The following EYA1 variants were observed in gnomAD, a reference collection of about 807,000 sequenced individuals.
EYA1 encodes EYA transcriptional coactivator and phosphatase 1, also known as protein phosphatase EYA1.
A neutral mutation model predicts 82.0 loss-of-function variants in EYA1; 16 were observed. The ratio of observed to expected loss-of-function variants is 0.20; its 90% CI spans 0.13 to 0.30. The LOEUF (loss-of-function observed/expected upper bound fraction) is 0.30, where lower values mean the gene tolerates loss of function less well. Among genes scored for constraint, EYA1 ranks in the 10% least tolerant of loss-of-function variants. The probability of loss-of-function intolerance (pLI) is 1.00; values close to 1 mark genes in which losing one functional copy is unlikely to be tolerated. For missense variants in EYA1, 633 were observed against 730.7 expected (o/e 0.87, Z 1.54); for synonymous variants, 261 against 264.4 (o/e 0.99, Z 0.12).
chr8:71,368,868 G>A (rs1365579540), intron 2 of EYA1, among the ~76,000 whole-genome samples: 1 of 151,508 alleles, frequency 6.6e-6, no homozygotes, highest in African/African-American at 2.4e-5. Context: ...TACGTGAAAA[G>A]GAAAAAAAAT....
At chr8:71,403,528 T>C (rs1411986076) in intron 2 of EYA1, 1 of 152,152 alleles carries the variant, frequency 6.6e-6, no homozygotes, top group Non-Finnish European at 1.5e-5. Context: ...TGAGATTATA[T>C]CCTATTGACA....
At position 71,362,046 on chromosome 8, in the gene EYA1, CA is replaced by C. The variant is rs1827439549; in HGVS notation, c.-455del. ...CGCCCAGCGCTCCTTCCCCACCAAA[CA>C]GCAGCGGCAGATAGCATCTGAGAAC... On this transcript the variant is annotated 5_prime_UTR_variant, in exon 1 of 18. The change abolishes the stop of an existing upstream ORF in the 5' untranslated region. Transcript: ENST00000340726. The C allele has an allele frequency of 1.0e-6, 1 of 985,360 alleles. No homozygotes were observed. Among genetic ancestry groups the C allele is most frequent in the Admixed American group, 6.2e-5 (1 of 16,256 alleles). The allele number at this position is 985,360 out of a possible 1,614,324, so 61.0% of individuals were successfully genotyped here.
intron 2 of EYA1, among the ~76,000 whole-genome samples, chr8:71,410,677 G>A (rs1226825462): frequency 7.1e-6 from 1 of 140,194 alleles, no homozygotes; most frequent in Non-Finnish European, 1.6e-5. Context: ...TACAAGGGAT[G>A]TGAAGGACCT....
At chr8:71,267,831 A>G (rs1233369700) in intron 11 of EYA1, among the ~76,000 whole-genome samples, 3 of 152,212 alleles carry the variant, frequency 2.0e-5, no homozygotes, top group Non-Finnish European at 4.4e-5. Context: ...TACAGGCATG[A>G]GCCACCGCGC....
chr8:71,528,884 C>T (rs1031714649), intron 2 of EYA1, among the ~76,000 whole-genome samples: 1 of 152,198 alleles, frequency 6.6e-6, no homozygotes, highest in Admixed American at 6.5e-5. Context: ...TGCCCAAGTA[C>T]AGAGCTAAGG....
intron 2 of EYA1, among the ~76,000 whole-genome samples, chr8:71,491,959 T>C (rs1360563447): frequency 1.3e-5 from 2 of 152,152 alleles, no homozygotes; most frequent in African/African-American, 4.8e-5. Flanking sequence ...CCAAGCATAA[T>C]GTTAATGCCA....
At chr8:71,434,160 T>C (rs1805836144) in intron 2 of EYA1, among the ~76,000 whole-genome samples, 1 of 152,230 alleles carries the variant, frequency 6.6e-6, no homozygotes, top group Non-Finnish European at 1.5e-5. Context: ...TAAAGGTATA[T>C]TTAAATATTT....
intron 11 of EYA1, among the ~76,000 whole-genome samples, chr8:71,261,725 A>C (rs1250000500): frequency 6.6e-6 from 1 of 152,218 alleles, no homozygotes; most frequent in African/African-American, 2.4e-5. Flanking sequence ...GGGAGGAAGA[A>C]GAATAAAGCC....
intron 3 of EYA1, among the ~76,000 whole-genome samples, chr8:71,338,372 T>C (rs547211920): frequency 4.6e-5 from 7 of 152,376 alleles, no homozygotes; most frequent in East Asian, 3.9e-4. Context: ...ATGGCAATTG[T>C]GATCAATAAT....
In EYA1 at chr8:71,301,447, AT is replaced by A. The variant is rs1820188168; in HGVS notation, c.557-1728del. Among the ~76,000 whole-genome samples, 3 of 152,310 alleles carry A rather than the reference AT, an allele frequency of 2.0e-5. No homozygotes were observed. The South Asian group carries it at 6.2e-4, about 32-fold the overall frequency. On this transcript the variant is annotated intron_variant, in intron 7 of 17. Transcript: ENST00000340726. The stretch of plus-strand genomic sequence containing the variant: ...CACTTGTAAAATTCTCTATTTACGT[AT>A]CTTTTCCCTCTTTTACTTTCCCGAA...
chr8:71,213,908 A>G (rs1808848614), intron 16 of EYA1, among the ~76,000 whole-genome samples: 1 of 152,184 alleles, frequency 6.6e-6, no homozygotes, highest in Admixed American at 6.5e-5. Context: ...ATTGATACCT[A>G]CTGTGTGCTG....
intron 2 of EYA1, among the ~76,000 whole-genome samples, chr8:71,510,809 T>C (rs1812537079): frequency 6.6e-6 from 1 of 152,236 alleles, no homozygotes; most frequent in Non-Finnish European, 1.5e-5. Flanking sequence ...GGATAAAATT[T>C]AACTATGTGA....
At chr8:71,512,964 A>G (rs959855486) in intron 2 of EYA1, among the ~76,000 whole-genome samples, 4 of 152,202 alleles carry the variant, frequency 2.6e-5, no homozygotes, top group Admixed American at 6.5e-5. Context: ...CTAACCATAC[A>G]CAAGGTGGAA....
intron 2 of EYA1, among the ~76,000 whole-genome samples, chr8:71,420,224 T>C (rs1563596625): frequency 6.6e-6 from 1 of 152,192 alleles, no homozygotes; most frequent in African/African-American, 2.4e-5. Flanking sequence ...CTAATGTTGC[T>C]ATATTTGGCT....
At chr8:71,497,640 A>G (rs1240202777) in intron 2 of EYA1, among the ~76,000 whole-genome samples, 2 of 152,220 alleles carry the variant, frequency 1.3e-5, no homozygotes, top group Admixed American at 1.3e-4. Context: ...TACTACAACC[A>G]TTATGGAAAA....
chr8:71,460,500 G>A (rs571412281), intron 2 of EYA1, among the ~76,000 whole-genome samples: 19 of 152,190 alleles, frequency 1.2e-4, no homozygotes, highest in Non-Finnish European at 2.5e-4. Context: ...AGCCCATCAG[G>A]CTTAGAAGGG....
chr8:71,474,244 G>T (rs1029686164), intron 2 of EYA1, among the ~76,000 whole-genome samples: 2 of 150,918 alleles, frequency 1.3e-5, no homozygotes, highest in African/African-American at 4.9e-5. Context: ...AAAGGGAGAA[G>T]GAAGAAGAAG....
chr8:71,371,790 A>AT (rs1259869076), intron 2 of EYA1, among the ~76,000 whole-genome samples: 2 of 152,052 alleles, frequency 1.3e-5, no homozygotes, highest in Admixed American at 1.3e-4. Flanking sequence ...AACAATAATT[A>AT]TTTTTTTCTT....
At chr8:71,479,293 T>A (rs1352414367) in intron 2 of EYA1, among the ~76,000 whole-genome samples, 1 of 152,100 alleles carries the variant, frequency 6.6e-6, no homozygotes. Flanking sequence ...TCCTTCAAGA[T>A]TTTGCTCAAA....
Sources: allele counts gnomAD v4.1 joint callset (sites outside exome capture counted in the v4.1 genomes callset), GRCh38; gene constraint gnomAD v4.1.1; transcripts MANE v1.5; gene names NCBI Gene and HGNC (gene_info 2026-07-23, HGNC 2026-07-21).